The following MEI4 variants were observed in gnomAD, a reference collection of about 807,000 sequenced individuals.
MEI4 encodes the protein meiotic double-stranded break formation protein 4.
A neutral mutation model predicts 31.4 loss-of-function variants in MEI4; 27 were observed. The observed-to-expected ratio is 0.86, with a 90% confidence interval of 0.63 to 1.19. MEI4 has a LOEUF of 1.19. Ranked by LOEUF, MEI4 falls within the 50% of genes most tolerant of loss-of-function variation. The pLI is 0.00. For missense variants in MEI4, 329 were observed against 398.9 expected (o/e 0.82, Z 1.49); for synonymous variants, 122 against 145.4 (o/e 0.84, Z 1.16).
chr6:77,774,106 T>A (rs1768381566), intron 3 of MEI4, among the ~76,000 whole-genome samples: 1 of 152,030 alleles, frequency 6.6e-6, no homozygotes. Context: ...ACAGTTTGAG[T>A]TTCTCAGAAG....
intron 3 of MEI4, among the ~76,000 whole-genome samples, chr6:77,781,600 C>T (rs572752928): frequency 6.6e-6 from 1 of 152,146 alleles, no homozygotes; most frequent in Non-Finnish European, 1.5e-5. Flanking sequence ...ATTTCTCACT[C>T]ATTATGGTCT....
chr6:77,896,363 T>A (rs980690507), intron 4 of MEI4, among the ~76,000 whole-genome samples: 1 of 152,106 alleles, frequency 6.6e-6, no homozygotes, highest in Admixed American at 6.6e-5. Flanking sequence ...TTTAAGGCAC[T>A]TGGGATTTAA....
intron 2 of MEI4, among the ~76,000 whole-genome samples, chr6:77,734,081 G>A (rs1460503752): frequency 1.3e-5 from 2 of 151,976 alleles, no homozygotes; most frequent in Admixed American, 6.5e-5. Context: ...GTGTGGTGTG[G>A]TGCTGAAAAA....
At chr6:77,710,340 G>A (rs1010968152) in intron 2 of MEI4, among the ~76,000 whole-genome samples, 9 of 151,784 alleles carry the variant, frequency 5.9e-5, no homozygotes, top group African/African-American at 1.9e-4. Context: ...TGGCCAACGT[G>A]GTGAAACCCC....
chr6:77,753,415 AC>A lies in MEI4; in HGVS notation c.233-7714del, dbSNP rs556471420. 1.4e-4 allele frequency among the ~76,000 whole-genome samples: 21 copies of A among 152,322 alleles called. 1 individual carries two copies. In the East Asian group the frequency reaches 3.5e-3, roughly 25 times the overall value. On this transcript the variant is annotated intron_variant, in intron 2 of 4. Transcript: ENST00000684080. ...TTAAACAAATTTACAAGAAAAAAAAACAACCCCATCAAAAAGTAGGTGAAGG... is the reference window on the plus strand; with the variant it reads ...TTAAACAAATTTACAAGAAAAAAAAAAACCCCATCAAAAAGTAGGTGAAGG...
chr6:77,736,452 T>G (rs1282280504), intron 2 of MEI4, among the ~76,000 whole-genome samples: 1 of 152,126 alleles, frequency 6.6e-6, no homozygotes, highest in Non-Finnish European at 1.5e-5. Flanking sequence ...CCCTGACCCC[T>G]TGTGCTTCTG....
At chr6:77,910,136 G>T (rs1310076470) in intron 4 of MEI4, among the ~76,000 whole-genome samples, 3 of 152,146 alleles carry the variant, frequency 2.0e-5, no homozygotes, top group African/African-American at 7.2e-5. Flanking sequence ...CATTCCCTTT[G>T]AAAACTGGCA....
intron 3 of MEI4, among the ~76,000 whole-genome samples, chr6:77,806,599 A>G (rs1769447390): frequency 6.6e-6 from 1 of 152,156 alleles, no homozygotes; most frequent in South Asian, 2.1e-4. Flanking sequence ...ATGATTTATC[A>G]AGGCCATGGT....
rs117847269 is a variant in MEI4, at chr6:77,832,458, T to C, written c.900+3396T>C. Among the ~76,000 whole-genome samples the C allele has an allele frequency of 7.9e-3, 1,202 of 152,130 alleles. 9 individuals are homozygous for C. Among genetic ancestry groups the C allele is most frequent in the Non-Finnish European group, 0.012 (790 of 67,890 alleles). ...TAAAGATTAATGGAGGATTCAATAA[T>C]AATTATTATCATAAATATTTACTGA... On this transcript the variant is annotated intron_variant, in intron 4 of 4. Transcript: ENST00000684080.
At chr6:77,907,634 A>C (rs1326269944) in intron 4 of MEI4, among the ~76,000 whole-genome samples, 1 of 152,092 alleles carries the variant, frequency 6.6e-6, no homozygotes, top group Admixed American at 6.6e-5. Flanking sequence ...ATGTTTTATA[A>C]TCCTTTGGGT....
At chr6:77,791,950 C>G (rs1350147545) in intron 3 of MEI4, among the ~76,000 whole-genome samples, 1 of 152,206 alleles carries the variant, frequency 6.6e-6, no homozygotes, top group East Asian at 1.9e-4. Context: ...CACCTCCTCA[C>G]TACCTCAACC....
chr6:77,794,146 G>A (rs1194306137), intron 3 of MEI4, among the ~76,000 whole-genome samples: 2 of 152,220 alleles, frequency 1.3e-5, no homozygotes, highest in Non-Finnish European at 2.9e-5. Context: ...GAATGCAGGA[G>A]TGGCTATACT....
chr6:77,734,676 C>T (rs1767127444), intron 2 of MEI4, among the ~76,000 whole-genome samples: 2 of 151,274 alleles, frequency 1.3e-5, no homozygotes, highest in Admixed American at 6.6e-5. Flanking sequence ...TTGATCCTGT[C>T]ATTATGTTAG....
intron 1 of MEI4, among the ~76,000 whole-genome samples, chr6:77,679,282 C>T (rs1338296930): frequency 3.3e-5 from 5 of 152,320 alleles, no homozygotes; most frequent in African/African-American, 1.2e-4. Context: ...AACTTCCAGA[C>T]ATGTAAGAAC....
At chr6:77,824,142 T>G (rs978776072) in intron 3 of MEI4, among the ~76,000 whole-genome samples, 1 of 151,978 alleles carries the variant, frequency 6.6e-6, no homozygotes, top group African/African-American at 2.4e-5. Context: ...CAGGCTGGAG[T>G]GAAGTGGAAT....
intron 1 of MEI4, among the ~76,000 whole-genome samples, chr6:77,671,287 T>G (rs1768736329): frequency 6.6e-6 from 1 of 152,146 alleles, no homozygotes; most frequent in African/African-American, 2.4e-5. Context: ...CTCGAACTCC[T>G]GACCTCAGGT....
At chr6:77,859,436 C>T (rs757270299) in intron 4 of MEI4, among the ~76,000 whole-genome samples, 39 of 152,106 alleles carry the variant, frequency 2.6e-4, no homozygotes, top group African/African-American at 9.2e-4. Flanking sequence ...CTTGAGGAAT[C>T]GCCATACTGT....
intron 2 of MEI4, among the ~76,000 whole-genome samples, chr6:77,728,998 C>T (rs1582066770): frequency 1.3e-5 from 2 of 152,086 alleles, no homozygotes; most frequent in South Asian, 2.1e-4. Flanking sequence ...TGGGATCGGA[C>T]AGTTAGAACA....
chr6:77,900,598 A>G (rs1221795799), intron 4 of MEI4, among the ~76,000 whole-genome samples: 1 of 151,984 alleles, frequency 6.6e-6, no homozygotes. Context: ...GAAAGGCTCA[A>G]TGAATACATG....
Sources: allele counts gnomAD v4.1 joint callset (sites outside exome capture counted in the v4.1 genomes callset), GRCh38; gene constraint gnomAD v4.1.1; transcripts MANE v1.5; gene names NCBI Gene and HGNC (gene_info 2026-07-23, HGNC 2026-07-21).